The following KDM5B variants were observed in gnomAD, a reference collection of about 807,000 sequenced individuals.
KDM5B encodes the protein lysine demethylase 5B.
Under a neutral mutation model 193.4 loss-of-function variants are expected in KDM5B, and 144 were observed. That is an observed-to-expected ratio of 0.74 (90% CI 0.65 to 0.86). KDM5B has a LOEUF of 0.86. Ranked by LOEUF, KDM5B falls within the 40% of genes least tolerant of loss-of-function variation. The pLI, the probability that KDM5B is intolerant of heterozygous loss-of-function variation, is 0.00. For synonymous variants in KDM5B, 668 were observed against 682.6 expected, an observed-to-expected ratio of 0.98 and a Z score of 0.33; for missense variants, 1,833 against 1,886.9, an observed-to-expected ratio of 0.97 and a Z score of 0.53.
chr1:202,779,478 CAA>C (rs911803272), intron 1 of KDM5B, among the ~76,000 whole-genome samples: 1 of 133,578 alleles, frequency 7.5e-6, no homozygotes. Context: ...GACTCCGTCT[CAA>C]AAAAAAAAAG....
At chr1:202,767,551 A>G (rs1475160517) in intron 4 of KDM5B, 1 of 614,576 alleles carries the variant, frequency 1.6e-6, no homozygotes. Flanking sequence ...TCCTTTTTTA[A>G]TCTTAGAGAG....
intron 1 of KDM5B, 29 bp from the exon 2 acceptor site, chr1:202,777,123 A>G (rs766041900): frequency 3.3e-6 from 5 of 1,527,546 alleles, no homozygotes; most frequent in Non-Finnish European, 4.5e-6. Flanking sequence ...TCTTATTAGA[A>G]TAACTTATAA....
Position 202,752,967 on chromosome 1 carries a change from C to A in KDM5B, c.1639G>T (p.Asp547Tyr), listed in dbSNP as rs780315895. Reference sequence around the variant, plus strand: ...ATGGTCACAAGCTGATGGAGGAGATCCGGCTGGGACACAAAGAGTTCTGGA... The same window carrying A: ...ATGGTCACAAGCTGATGGAGGAGATACGGCTGGGACACAAAGAGTTCTGGA... ...LAPELFVSQP[D>Y]LLHQLVTIMN... Residue 547 changes from aspartate (D) to tyrosine (Y), a missense_variant, in exon 12 of 27, where the codon GAT becomes TAT. Physicochemically the swap from Asp to Tyr is radical, Grantham distance 160. Coordinates refer to ENST00000367265, the MANE Select transcript of KDM5B (RefSeq NM_006618.5). The A allele has an allele frequency of 1.2e-6, 2 of 1,614,134 alleles. No individual in the cohort carries two copies. The highest frequency in any genetic ancestry group is 1.7e-6 in the Non-Finnish European group (2 of 1,180,008).
At chr1:202,752,276 C>T (rs1655818976) in intron 12 of KDM5B, among the ~76,000 whole-genome samples, 1 of 152,192 alleles carries the variant, frequency 6.6e-6, no homozygotes, top group Non-Finnish European at 1.5e-5. Flanking sequence ...CATATTTTCA[C>T]TGTACCTTTT....
intron 4 of KDM5B, among the ~76,000 whole-genome samples, chr1:202,771,728 C>T (rs750740874): frequency 5.3e-5 from 8 of 151,982 alleles, no homozygotes; most frequent in Admixed American, 3.3e-4. Flanking sequence ...ACTACAGGCA[C>T]GCACCACCAC....
Position 202,736,265 on chromosome 1 carries a change from T to C in KDM5B, c.3212A>G (p.Glu1071Gly). 6.2e-7 allele frequency: 1 copy of C among 1,609,762 alleles called. No individual in the cohort carries two copies. The highest frequency in any genetic ancestry group is 8.5e-7 in the Non-Finnish European group (1 of 1,177,982). ...AGTCAAGAATGTATTAACAGCACAT[T>C]CTTTCCAAGCCTGAACCTCAGCTAC... The part of the protein sequence containing the change: ...TLVAEVQAWK[E>G]CAVNTFLTEN... The change falls in exon 21 of 27, where the codon GAA becomes GGA. Residue 1071 changes from glutamate to glycine, a missense_variant. Coordinates refer to ENST00000367265, the MANE Select transcript of KDM5B (RefSeq NM_006618.5).
chr1:202,748,051 A>T (rs1028607596), intron 14 of KDM5B, among the ~76,000 whole-genome samples: 2 of 152,320 alleles, frequency 1.3e-5, no homozygotes, highest in Non-Finnish European at 1.5e-5. Context: ...AGTATTAGCA[A>T]TAGAATAGAT....
Position 202,795,070 on chromosome 1 carries a change from CG to C in KDM5B, c.204+13031del, listed in dbSNP as rs576585759. Among the ~76,000 whole-genome samples, 3 of 151,404 alleles carry C rather than the reference CG, an allele frequency of 2.0e-5. No individual in the cohort carries two copies. The South Asian group carries it at 6.3e-4, about 32-fold the overall frequency. ...CTCTACTAAAAATACAAAAATTAGC[CG>C]GGCGTGGTAGCAGGTGCCTGTAGTC... On this transcript the variant is annotated intron_variant, in intron 1 of 26. Transcript: ENST00000367265.
chr1:202,785,009 CAAAAAA>C (rs11445160), intron 1 of KDM5B, among the ~76,000 whole-genome samples: 2 of 89,414 alleles, frequency 2.2e-5, no homozygotes, highest in African/African-American at 8.8e-5. Flanking sequence ...GAGCCTGTCT[CAAAAAA>C]AAAAAAAAAA....
In KDM5B at chr1:202,728,165, T is replaced by C. The variant is rs1031712514; in HGVS notation, c.*871A>G. On this transcript the variant is annotated 3_prime_UTR_variant, in exon 27 of 27. Coordinates refer to ENST00000367265, the MANE Select transcript of KDM5B (RefSeq NM_006618.5). ...AACAGTAGAGGGGCAGAAGAAGCTG[T>C]GCTCTAATGGCTCTAAATAATCAGC... is the stretch of plus-strand genomic sequence containing the variant. The C allele has an allele frequency of 1.3e-5, 2 of 152,264 alleles. No homozygotes were observed. The highest frequency in any genetic ancestry group is 4.8e-5 in the African/African-American group (2 of 41,472). The allele number at this position is 152,264 out of a possible 1,614,324, so 9.4% of individuals were successfully genotyped here. A position where few individuals can be genotyped will look rare whatever the true frequency, so the allele number is the denominator to read the frequency against.
At chr1:202,733,994 A>T (rs1481016398) in intron 22 of KDM5B, 108 bp from the exon 23 acceptor site, 1 of 1,346,310 alleles carries the variant, frequency 7.4e-7, no homozygotes, top group African/African-American at 1.4e-5. Flanking sequence ...GATCATCTGT[A>T]TTCAAATCCT....
chr1:202,805,711 C>T (rs1210789190), intron 1 of KDM5B, among the ~76,000 whole-genome samples: 2 of 152,172 alleles, frequency 1.3e-5, no homozygotes, highest in African/African-American at 4.8e-5. Context: ...TCACAGTTAG[C>T]TTTCCCAAAA....
At chr1:202,774,010 T>G (rs1430399503) in intron 3 of KDM5B, among the ~76,000 whole-genome samples, 2 of 152,214 alleles carry the variant, frequency 1.3e-5, no homozygotes, top group African/African-American at 4.8e-5. Flanking sequence ...ATGCTGGGAT[T>G]ACAGGCATGA....
intron 6 of KDM5B, among the ~76,000 whole-genome samples, chr1:202,763,106 G>A (rs553079639): frequency 8.5e-5 from 13 of 152,134 alleles, no homozygotes; most frequent in East Asian, 1.9e-4. Flanking sequence ...AACATATACC[G>A]ATGAAATCAA....
In KDM5B at chr1:202,793,002, CAA is replaced by C. The variant is rs35356889; in HGVS notation, c.204+15098_204+15099del. 7.3e-3 allele frequency among the ~76,000 whole-genome samples: 816 copies of C among 111,860 alleles called. 9 individuals are homozygous for C. The highest frequency in any genetic ancestry group is 0.025 in the African/African-American group (671 of 26,874). The allele number at this position is 111,860 out of a possible 152,430, so 73.4% of individuals were successfully genotyped here. A position where few individuals can be genotyped will look rare whatever the true frequency, so the allele number is the denominator to read the frequency against. On this transcript the variant is annotated intron_variant, in intron 1 of 26. Transcript: ENST00000367265. Reference sequence around the variant, plus strand: ...TGGGCCACACAGCGAGACTCCCTCTCAAAAAAAAAAAAAAAAGACTGTAAGGG... The same window carrying C: ...TGGGCCACACAGCGAGACTCCCTCTCAAAAAAAAAAAAAAGACTGTAAGGG...
intron 20 of KDM5B, among the ~76,000 whole-genome samples, chr1:202,738,721 C>G (rs1352171741): frequency 6.6e-6 from 1 of 151,940 alleles, no homozygotes; most frequent in Admixed American, 6.6e-5. Flanking sequence ...TCAGTAACAC[C>G]TATTGGTTTA....
In KDM5B at chr1:202,777,030, A is replaced by G. The variant is rs1656985414; in HGVS notation, c.269T>C (p.Leu90Pro). 1.2e-6 allele frequency: 2 copies of G among 1,610,638 alleles called. No individual in the cohort carries two copies. The highest frequency in any genetic ancestry group is 1.7e-6 in the Non-Finnish European group (2 of 1,176,832). ...KLHFTPRIQR[L>P]NELEAQTRVK... is the part of the protein sequence containing the mutation. ...TGAAGACATTACCTCCAATTCATTC[A>G]GTCTCTGGATACGTGGCGTAAAATG... Residue 90 changes from leucine (L) to proline (P), a missense_variant, in exon 2 of 27, where the codon CTG (leucine) becomes CCG (proline). Transcript: ENST00000367265.
At chr1:202,761,131 A>G (rs1656232624) in intron 7 of KDM5B, among the ~76,000 whole-genome samples, 1 of 152,206 alleles carries the variant, frequency 6.6e-6, no homozygotes, top group Non-Finnish European at 1.5e-5. Flanking sequence ...AACTGTCTTA[A>G]AGTTAACCAC....
intron 1 of KDM5B, among the ~76,000 whole-genome samples, chr1:202,790,863 C>T (rs1387144398): frequency 6.6e-6 from 1 of 152,170 alleles, no homozygotes; most frequent in East Asian, 1.9e-4. Context: ...GACATCAAAC[C>T]TGACAGTGCC....
Sources: allele counts gnomAD v4.1 joint callset (sites outside exome capture counted in the v4.1 genomes callset), GRCh38; gene constraint gnomAD v4.1.1; transcripts MANE v1.5; gene names NCBI Gene and HGNC (gene_info 2026-07-23, HGNC 2026-07-21).